RFTN1: variants seen among roughly 807,000 people sequenced by gnomAD.
The protein encoded by RFTN1 is raftlin.
In RFTN1, 26 loss-of-function variants were observed where a neutral mutation model predicts 46.5. The observed-to-expected ratio is 0.56, with a 90% CI of 0.41 to 0.78. The LOEUF (loss-of-function observed/expected upper bound fraction) is 0.78. RFTN1 is among the 30% of genes least tolerant of loss of function. The probability of loss-of-function intolerance (pLI) is 0.00; values close to 1 mark genes in which losing one functional copy is unlikely to be tolerated. For missense variants in RFTN1, 693 were observed against 718.7 expected (o/e 0.96, Z 0.41); for synonymous variants, 261 against 284.2 (o/e 0.92, Z 0.82).
intron 3 of RFTN1, among the ~76,000 whole-genome samples, chr3:16,411,598 G>C (rs1025013091): frequency 6.6e-6 from 1 of 152,160 alleles, no homozygotes; most frequent in Admixed American, 6.5e-5. Context: ...TCAGAGACTA[G>C]ACTCATGTTC....
rs2073955702 is a variant in RFTN1 at position 16,380,625 on chromosome 3, G to C, written c.442-2523C>G. Among the ~76,000 whole-genome samples, 1 of 152,204 alleles carries C rather than the reference G, an allele frequency of 6.6e-6. No homozygotes were observed. Among genetic ancestry groups the C allele is most frequent in the Non-Finnish European group, 1.5e-5 (1 of 68,034 alleles). Reference sequence around the variant, plus strand: ...ATCAGCATCCCCTGGGAACCTGTTAGAAATGCAAATTCTCAGGCCCCACCA... The same window carrying C: ...ATCAGCATCCCCTGGGAACCTGTTACAAATGCAAATTCTCAGGCCCCACCA... On this transcript the variant is annotated intron_variant, in intron 4 of 9. Coordinates refer to ENST00000334133, the MANE Select transcript of RFTN1 (RefSeq NM_015150.2). This position sits in a 1 kb window ranked among gnomAD's most constrained non-coding sequence, Gnocchi z 4.8.
At chr3:16,414,081 C>G (rs980344608) in intron 3 of RFTN1, among the ~76,000 whole-genome samples, 8 of 152,132 alleles carry the variant, frequency 5.3e-5, no homozygotes, top group African/African-American at 1.7e-4. Context: ...CTTACTTTTC[C>G]TTCCTAGCAC....
In RFTN1 at chr3:16,512,904, C is replaced by T. The variant is rs1199444068; in HGVS notation, c.-9+538G>A. 2.0e-5 allele frequency: 3 copies of T among 152,280 alleles called. No individual in the cohort carries two copies. Among genetic ancestry groups the T allele is most frequent in the Non-Finnish European group, 4.4e-5 (3 of 68,152 alleles). 9.4% of individuals were successfully genotyped at this position (152,280 alleles called of 1,614,324 possible). ...GTCTGCTCCTACACGTCCAGCACCT[C>T]TGTCCCCAGAGCAAACCCACCTCCC... On this transcript the variant is annotated intron_variant, in intron 1 of 9. Coordinates refer to ENST00000334133, the MANE Select transcript of RFTN1 (RefSeq NM_015150.2). The surrounding 1 kb of genome is among the most constrained non-coding windows in gnomAD (Gnocchi z 4.3).
intron 1 of RFTN1, among the ~76,000 whole-genome samples, chr3:16,496,333 C>A (rs1368140369): frequency 1.3e-5 from 2 of 152,238 alleles, no homozygotes; most frequent in Non-Finnish European, 2.9e-5. Context: ...CTAATGCATT[C>A]ATGCAACAAA....
chr3:16,436,978 G>T (rs1402246602), intron 2 of RFTN1, among the ~76,000 whole-genome samples: 3 of 152,026 alleles, frequency 2.0e-5, no homozygotes, highest in Non-Finnish European at 4.4e-5. Flanking sequence ...ATTTTTATTG[G>T]GTCATGTTCA....
At position 16,393,651 on chromosome 3, in the gene RFTN1, CTTTT is replaced by C. The variant is rs35917033; in HGVS notation, c.442-15553_442-15550del. On this transcript the variant is annotated intron_variant, in intron 4 of 9. Transcript: ENST00000334133. ...ACATTTATTGAAATAAGCTGATGGA[CTTTT>C]TTTTTTTAATTTTTTTTTTTTCAGA... 6.3e-5 allele frequency among the ~76,000 whole-genome samples: 9 copies of C among 141,788 alleles called. No homozygotes were observed. In the East Asian group the frequency reaches 1.6e-3, roughly 26 times the overall value. 93.0% of individuals were successfully genotyped at this position (141,788 alleles called of 152,430 possible). A position where few individuals can be genotyped will look rare whatever the true frequency, so the allele number is the denominator to read the frequency against.
rs779336295 is a variant in RFTN1 at position 16,377,819 on chromosome 3, C to G, written c.725G>C (p.Gly242Ala). The G allele has an allele frequency of 3.1e-6, 5 of 1,614,224 alleles. No homozygotes were observed. The highest frequency in any genetic ancestry group is 4.2e-6 in the Non-Finnish European group (5 of 1,180,036). The stretch of plus-strand genomic sequence containing the variant: ...TGAAAGTTCTCCACCATCTCCCTCT[C>G]CGGAGGGTGAGCTGGGCTGCTTGGC... ...PLAKQPSSPS[G>A]EGDGGELSPQ... The change falls in exon 5 of 10, where the codon GGA (glycine) becomes GCA (alanine). Residue 242 changes from glycine to alanine, a missense_variant. By Grantham distance (60) the Gly-to-Ala change is moderately conservative (BLOSUM62 0). Coordinates refer to ENST00000334133, the MANE Select transcript of RFTN1 (RefSeq NM_015150.2).
intron 7 of RFTN1, among the ~76,000 whole-genome samples, chr3:16,343,902 G>A (rs919015422): frequency 6.6e-5 from 10 of 152,168 alleles, no homozygotes; most frequent in African/African-American, 2.4e-4. Context: ...TCTTATAGAT[G>A]GCCCCACAAA....
intron 1 of RFTN1, among the ~76,000 whole-genome samples, chr3:16,502,607 T>G (rs1376452025): frequency 1.3e-5 from 2 of 152,174 alleles, no homozygotes; most frequent in African/African-American, 4.8e-5. Flanking sequence ...CTCGCTCTCC[T>G]AGATCTCTCG....
In RFTN1 at chr3:16,402,014, C is replaced by G. The variant is rs2074616179; in HGVS notation, c.441+7361G>C. The stretch of plus-strand genomic sequence containing the variant: ...CTCTGTTCCTGGCTTTCTTGCAAGT[C>G]CCAGCCCAACAACCACAGCTGCCTT... On this transcript the variant is annotated intron_variant, in intron 4 of 9. Coordinates refer to ENST00000334133, the MANE Select transcript of RFTN1 (RefSeq NM_015150.2). The surrounding 1 kb of genome is among the most constrained non-coding windows in gnomAD (Gnocchi z 4.5). Among the ~76,000 whole-genome samples, 1 of 152,192 alleles carries G rather than the reference C, an allele frequency of 6.6e-6. No homozygotes were observed. Among genetic ancestry groups the G allele is most frequent in the African/African-American group, 2.4e-5 (1 of 41,450 alleles).
rs2076397700 is a variant in RFTN1 at position 16,483,330 on chromosome 3, G to A, written c.145+10395C>T. Among the ~76,000 whole-genome samples the A allele has an allele frequency of 6.6e-6, 1 of 152,060 alleles. No individual in the cohort carries two copies. Among genetic ancestry groups the A allele is most frequent in the South Asian group, 2.1e-4 (1 of 4,826 alleles). On this transcript the variant is annotated intron_variant, in intron 2 of 9. Transcript: ENST00000334133. This position sits in a 1 kb window ranked among gnomAD's most constrained non-coding sequence, Gnocchi z 4.8. Reference sequence around the variant, plus strand: ...TTCCTTCCTTTCCCTAGTTTACGATGTTGGGCTCCCCTGTAAAGCACCCCC... The same window carrying A: ...TTCCTTCCTTTCCCTAGTTTACGATATTGGGCTCCCCTGTAAAGCACCCCC...
Position 16,376,668 on chromosome 3 carries a change from C to T in RFTN1, c.826+1050G>A, listed in dbSNP as rs1190615179. Among the ~76,000 whole-genome samples the T allele has an allele frequency of 6.6e-6, 1 of 152,226 alleles. No individual in the cohort carries two copies. The highest frequency in any genetic ancestry group is 2.4e-5 in the African/African-American group (1 of 41,460). On this transcript the variant is annotated intron_variant, in intron 5 of 9. Transcript: ENST00000334133. The surrounding 1 kb of genome is among the most constrained non-coding windows in gnomAD (Gnocchi z 4.7). Reference sequence around the variant, plus strand: ...TACTTCAGTGCATACTAAGAAGGCTCAATGCCTTGATTAAACAATAGTCTT... The same window carrying T: ...TACTTCAGTGCATACTAAGAAGGCTTAATGCCTTGATTAAACAATAGTCTT...
intron 7 of RFTN1, 113 bp from the exon 8 acceptor site, chr3:16,326,989 C>A: frequency 1.4e-6 from 1 of 733,688 alleles, no homozygotes; most frequent in Non-Finnish European, 2.2e-6. Context: ...GTGGCGGTGC[C>A]CGGCCACTCA....
Position 16,357,770 on chromosome 3 carries a change from A to G in RFTN1, c.1146+162T>C, listed in dbSNP as rs539171891. Among the ~76,000 whole-genome samples, 23 of 152,158 alleles carry G rather than the reference A, an allele frequency of 1.5e-4. 1 individual carries two copies. In the South Asian group the frequency reaches 3.5e-3, roughly 23 times the overall value. On this transcript the variant is annotated intron_variant, in intron 7 of 9. Transcript: ENST00000334133. ...CACCCCTACCTGGGGGTGGGAAAAGAGGGGAATGAAAAGACTAAGGGGATC... is the reference window on the plus strand; with the variant it reads ...CACCCCTACCTGGGGGTGGGAAAAGGGGGGAATGAAAAGACTAAGGGGATC...
chr3:16,461,798 A>C (rs184255728), intron 2 of RFTN1, among the ~76,000 whole-genome samples: 131 of 152,342 alleles, frequency 8.6e-4, no homozygotes, highest in Middle Eastern at 3.4e-3. Flanking sequence ...TCCAGTACAC[A>C]CACCTTAAAC....
At chr3:16,403,317 G>A (rs1022227765) in intron 4 of RFTN1, among the ~76,000 whole-genome samples, 3 of 151,696 alleles carry the variant, frequency 2.0e-5, no homozygotes, top group Admixed American at 6.6e-5. Flanking sequence ...GCCATGCACA[G>A]TTATAACATT....
chr3:16,371,521 C>G (rs977837458), intron 5 of RFTN1, among the ~76,000 whole-genome samples: 6 of 152,240 alleles, frequency 3.9e-5, no homozygotes, highest in African/African-American at 1.2e-4. Context: ...GTTCATCCAT[C>G]TAACATCTAA....
chr3:16,378,196 A>G, intron 4 of RFTN1, 94 bp from the exon 5 acceptor site: 1 of 1,051,498 alleles, frequency 9.5e-7, no homozygotes, highest in Non-Finnish European at 1.4e-6. Flanking sequence ...GAGGCCTGCG[A>G]GGCTGTTTCA....
intron 2 of RFTN1, among the ~76,000 whole-genome samples, chr3:16,434,999 T>G (rs2075474713): frequency 1.3e-5 from 2 of 152,228 alleles, no homozygotes; most frequent in Non-Finnish European, 2.9e-5. Context: ...AAATTTGGAT[T>G]TTTAATTTAT....
Sources: gnomAD v4.1 joint callset for allele counts (sites outside exome capture counted in the v4.1 genomes callset) on GRCh38, gnomAD v4.1.1 for gene constraint, Gnocchi (gnomAD v3.1) non-coding constraint, MANE v1.5 for transcripts, NCBI Gene and HGNC (gene_info 2026-07-23, HGNC 2026-07-21) for gene names.